The following BRD10 variants were observed in gnomAD, a reference collection of about 807,000 sequenced individuals.
The protein encoded by BRD10 is bromodomain containing 10.
chr9:5,889,793 A>T, the BRD10 span, among the ~76,000 whole-genome samples: 1 of 152,004 alleles, frequency 6.6e-6, no homozygotes, highest in Non-Finnish European at 1.5e-5. Flanking sequence ...TCAGAAAAAA[A>T]AAATGTGTTT....
chr9:5,975,214 T>A, the BRD10 span, among the ~76,000 whole-genome samples: 1 of 151,820 alleles, frequency 6.6e-6, no homozygotes, highest in African/African-American at 2.4e-5. Context: ...GGTGGGTGGA[T>A]CACTTGACGT....
chr9:5,992,797 C>T, the BRD10 span, among the ~76,000 whole-genome samples: 1 of 151,100 alleles, frequency 6.6e-6, no homozygotes, highest in Non-Finnish European at 1.5e-5. Flanking sequence ...AGGCTTGATT[C>T]TGTTTAAAAT....
At chr9:5,896,208 AC>A in the BRD10 span, among the ~76,000 whole-genome samples, 4 of 152,344 alleles carry the variant, frequency 2.6e-5, no homozygotes, top group East Asian at 7.7e-4. Flanking sequence ...TGTAAAATGA[AC>A]ATCATTCCTA....
chr9:5,909,540 G>A, the BRD10 span: 2 of 152,314 alleles, frequency 1.3e-5, no homozygotes, highest in African/African-American at 2.4e-5. Context: ...TTACAGGCGT[G>A]AGCCACCACG....
the BRD10 span, among the ~76,000 whole-genome samples, chr9:5,941,288 T>C: frequency 6.6e-6 from 1 of 152,174 alleles, no homozygotes; most frequent in Non-Finnish European, 1.5e-5. Context: ...AAAACAGGTA[T>C]TTTTTAAATA....
chr9:5,985,488 T>C, the BRD10 span, among the ~76,000 whole-genome samples: 113 of 152,270 alleles, frequency 7.4e-4, 1 homozygote, highest in African/African-American at 2.5e-3. Context: ...ATATCCAGAA[T>C]ACATAAAGAA....
the BRD10 span, chr9:5,929,233 A>G: frequency 1.2e-6 from 1 of 815,822 alleles, no homozygotes; most frequent in African/African-American, 1.7e-5. Flanking sequence ...TTCTGAGTAA[A>G]ATACAAAAAC....
At chr9:5,909,430 G>C in the BRD10 span, 1 of 152,134 alleles carries the variant, frequency 6.6e-6, no homozygotes. Context: ...GACTAATTTT[G>C]TAGTTTTAGT....
At chr9:5,920,804 A>T in the BRD10 span, 3 of 1,614,022 alleles carry the variant, frequency 1.9e-6, no homozygotes, top group South Asian at 3.3e-5. Flanking sequence ...TTTAGGAGAC[A>T]CTACTGGTTG....
At chr9:5,994,690 C>A in the BRD10 span, among the ~76,000 whole-genome samples, 6 of 152,172 alleles carry the variant, frequency 3.9e-5, no homozygotes, top group African/African-American at 1.4e-4. Flanking sequence ...ATTTCTGTCT[C>A]AGGCATGTAG....
At chr9:5,915,615 C>CA in the BRD10 span, among the ~76,000 whole-genome samples, 1 of 152,182 alleles carries the variant, frequency 6.6e-6, no homozygotes, top group Non-Finnish European at 1.5e-5. Context: ...TTCTGAGACT[C>CA]AGTCTTTGTG....
chr9:5,978,945 T>C, the BRD10 span, among the ~76,000 whole-genome samples: 2 of 152,212 alleles, frequency 1.3e-5, no homozygotes, highest in African/African-American at 4.8e-5. Flanking sequence ...GCATCTATCC[T>C]GGGAAGTTAA....
chr9:6,006,570 T>A, the BRD10 span, among the ~76,000 whole-genome samples: 9 of 152,206 alleles, frequency 5.9e-5, no homozygotes, highest in Non-Finnish European at 1.2e-4. Flanking sequence ...TCTGGTAGAA[T>A]AAACATAAAT....
chr9:5,911,359 T>C, the BRD10 span, among the ~76,000 whole-genome samples: 2 of 151,326 alleles, frequency 1.3e-5, no homozygotes, highest in African/African-American at 4.9e-5. Context: ...CTGTAATATA[T>C]GGATTTGTTT....
the BRD10 span, among the ~76,000 whole-genome samples, chr9:5,929,933 A>G: frequency 6.6e-6 from 1 of 152,166 alleles, no homozygotes; most frequent in Non-Finnish European, 1.5e-5. Context: ...TCTTAGAACC[A>G]CATCACTACC....
chr9:5,914,477 G>C, the BRD10 span, among the ~76,000 whole-genome samples: 7 of 127,008 alleles, frequency 5.5e-5, no homozygotes, highest in African/African-American at 2.2e-4. Context: ...AGGCTGGAGA[G>C]CAGTGACGCA....
chr9:6,007,612 T>C, the BRD10 span: 1 of 1,605,378 alleles, frequency 6.2e-7, no homozygotes, highest in Admixed American at 1.7e-5. Flanking sequence ...CGCCTCCATC[T>C]CTTCCTCCTG....
chr9:5,932,433 A>G, the BRD10 span, among the ~76,000 whole-genome samples: 3 of 152,164 alleles, frequency 2.0e-5, no homozygotes, highest in Non-Finnish European at 2.9e-5. Flanking sequence ...AAAAAAAATG[A>G]ATGGTTGTGT....
chr9:5,918,451 C>A, the BRD10 span, among the ~76,000 whole-genome samples: 1 of 152,166 alleles, frequency 6.6e-6, no homozygotes, highest in Non-Finnish European at 1.5e-5. Context: ...TGCGGTGGCT[C>A]ATGCCTGTAA....
Sources: gnomAD v4.1 joint callset for allele counts (sites outside exome capture counted in the v4.1 genomes callset) on GRCh38, gnomAD v4.1.1 for gene constraint, MANE v1.5 for transcripts, NCBI Gene and HGNC (gene_info 2026-07-23, HGNC 2026-07-21) for gene names.